ANKRD44: variants seen among roughly 807,000 people sequenced by gnomAD.
ANKRD44 encodes ankyrin repeat domain 44.
In ANKRD44, 35 loss-of-function variants were observed where a neutral mutation model predicts 116.0. The ratio of observed to expected loss-of-function variants is 0.30; its 90% CI spans 0.23 to 0.40. The LOEUF (loss-of-function observed/expected upper bound fraction) is 0.40, where lower values mean the gene tolerates loss of function less well. ANKRD44 is among the 10% of genes least tolerant of loss of function. The pLI is 1.00. For synonymous variants in ANKRD44, 435 were observed against 461.8 expected (o/e 0.94, Z 0.74); for missense variants, 1,014 against 1,242.6 (o/e 0.82, Z 2.77).
chr2:197,124,917 C>T (rs1041845271), intron 6 of ANKRD44, among the ~76,000 whole-genome samples: 6 of 152,342 alleles, frequency 3.9e-5, no homozygotes, highest in Admixed American at 6.5e-5. Context: ...TAATCACCAG[C>T]GCCTCTGGTG....
rs1460811748 is a variant in ANKRD44, at chr2:196,989,273, T to C, written c.*318A>G. The C allele has an allele frequency of 1.8e-4, 176 of 988,942 alleles. No homozygotes were observed. The highest frequency in any genetic ancestry group is 2.1e-4 in the Non-Finnish European group (171 of 833,840). 61.3% of individuals were successfully genotyped at this position (988,942 alleles called of 1,614,324 possible). On this transcript the variant is annotated 3_prime_UTR_variant, in exon 28 of 28. Coordinates refer to ENST00000282272, the MANE Select transcript of ANKRD44 (RefSeq NM_001195144.2). ...AAAAGTATATGGACATTTTCTCTAGTTTGGCAAAAAAAAAAAAAAAGGTCA... is the reference window on the plus strand; with the variant it reads ...AAAAGTATATGGACATTTTCTCTAGCTTGGCAAAAAAAAAAAAAAAGGTCA...
chr2:196,979,546 TAAG>T (rs1173196292), intron 21 of ANKRD44, among the ~76,000 whole-genome samples: 5 of 139,968 alleles, frequency 3.6e-5, no homozygotes, highest in African/African-American at 1.0e-4. Flanking sequence ...AGTAATTTAA[TAAG>T]ATGACTTTTT....
downstream of ANKRD44, among the ~76,000 whole-genome samples, chr2:196,986,432 A>C (rs1273051867): frequency 1.3e-5 from 2 of 152,194 alleles, no homozygotes; most frequent in Non-Finnish European, 2.9e-5. Flanking sequence ...AAAACAAAAC[A>C]AAACCCTTTA....
intron 13 of ANKRD44, 43 bp downstream of exon 13, chr2:197,086,637 C>T (rs758892154): frequency 6.3e-7 from 1 of 1,581,820 alleles, no homozygotes; most frequent in South Asian, 1.1e-5. Context: ...ACTCCCAGTT[C>T]CTCTTATTTA....
rs2697257 is a variant in ANKRD44 at position 197,145,087 on chromosome 2, C to T, written c.190+1940G>A. ...CAGGCGGATCACAAGGTCAGGAGAT[C>T]GAGACTATCCTGGCTAACATGGTGA... is the stretch of plus-strand genomic sequence containing the variant. On this transcript the variant is annotated intron_variant, in intron 3 of 27. Transcript: ENST00000282272. 2.0e-3 allele frequency among the ~76,000 whole-genome samples: 298 copies of T among 151,624 alleles called. 1 individual carries two copies. Among genetic ancestry groups the T allele is most frequent in the African/African-American group, 6.6e-3 (275 of 41,394 alleles).
At chr2:197,019,766 C>G (rs557207640) in intron 17 of ANKRD44, among the ~76,000 whole-genome samples, 12 of 151,766 alleles carry the variant, frequency 7.9e-5, no homozygotes, top group Non-Finnish European at 1.6e-4. Flanking sequence ...GAGTCATGAA[C>G]AGCTCAGGGA....
intron 27 of ANKRD44, among the ~76,000 whole-genome samples, chr2:196,991,982 T>C (rs937608069): frequency 2.0e-5 from 3 of 152,212 alleles, no homozygotes; most frequent in Non-Finnish European, 4.4e-5. Context: ...TTGTCATAAT[T>C]AGAACCATGT....
intron 21 of ANKRD44, among the ~76,000 whole-genome samples, chr2:196,979,553 A>ATTTTTTTTTTTTTTTTT (rs1202023600): frequency 1.1e-5 from 1 of 90,060 alleles, no homozygotes; most frequent in Non-Finnish European, 2.1e-5. Flanking sequence ...TAATAAGATG[A>ATTTTTTTTTTTTTTTTT]CTTTTTTTTT....
At chr2:197,120,177 G>T (rs559095704) in intron 8 of ANKRD44, among the ~76,000 whole-genome samples, 1 of 152,150 alleles carries the variant, frequency 6.6e-6, no homozygotes, top group Non-Finnish European at 1.5e-5. Context: ...CTGAGTGCAT[G>T]CTACCTCCCT....
chr2:197,008,229 A>T (rs1219280396), intron 19 of ANKRD44, among the ~76,000 whole-genome samples: 1 of 152,198 alleles, frequency 6.6e-6, no homozygotes, highest in Non-Finnish European at 1.5e-5. Flanking sequence ...CTAGATATCA[A>T]GGGCGGGGAG....
At chr2:197,036,541 T>A (rs986903169) in intron 16 of ANKRD44, among the ~76,000 whole-genome samples, 1 of 152,180 alleles carries the variant, frequency 6.6e-6, no homozygotes, top group Non-Finnish European at 1.5e-5. Context: ...AGGCGGTCTA[T>A]GCAACTTTTA....
intron 7 of ANKRD44, 128 bp downstream of exon 7, chr2:197,122,522 C>T: frequency 7.6e-7 from 1 of 1,311,460 alleles, no homozygotes; most frequent in Middle Eastern, 2.1e-4. Flanking sequence ...CACAAAAACT[C>T]AAAAAGACAG....
chr2:197,288,853 A>G lies in ANKRD44; in HGVS notation c.27+21725T>C, dbSNP rs764591810. On this transcript the variant is annotated intron_variant, in intron 1 of 27. Transcript: ENST00000282272. ...ACATATGGGAGCTAAAAAACTTGAA[A>G]TCATGGACCCAGAGGATAGAATAAC... is the stretch of plus-strand genomic sequence containing the variant. Among the ~76,000 whole-genome samples the G allele has an allele frequency of 1.4e-3, 207 of 152,280 alleles. 1 individual carries two copies. The highest frequency in any genetic ancestry group is 1.8e-4 in the Non-Finnish European group (12 of 67,994).
intron 1 of ANKRD44, among the ~76,000 whole-genome samples, chr2:197,247,302 T>C (rs1322109407): frequency 6.6e-6 from 1 of 152,220 alleles, no homozygotes; most frequent in Non-Finnish European, 1.5e-5. Flanking sequence ...AAGGCAGCGC[T>C]AACAGATCTG....
At chr2:197,293,090 T>C (rs1272321482) in intron 1 of ANKRD44, among the ~76,000 whole-genome samples, 1 of 152,176 alleles carries the variant, frequency 6.6e-6, no homozygotes, top group Non-Finnish European at 1.5e-5. Flanking sequence ...ATCTTTTTAC[T>C]AGGGTTATTT....
chr2:197,197,216 G>A (rs1361779406), intron 1 of ANKRD44, among the ~76,000 whole-genome samples: 1 of 152,098 alleles, frequency 6.6e-6, no homozygotes, highest in East Asian at 1.9e-4. Flanking sequence ...AGGACATCCA[G>A]TGACAGATGT....
chr2:197,246,744 A>C (rs2082202422), intron 1 of ANKRD44, among the ~76,000 whole-genome samples: 1 of 152,172 alleles, frequency 6.6e-6, no homozygotes, highest in Non-Finnish European at 1.5e-5. Context: ...AGTGACGTTC[A>C]TGCATTCCCT....
chr2:197,122,675 T>C lies in ANKRD44; in HGVS notation c.668A>G (p.Lys223Arg), dbSNP rs367725223. ...AASNGQINVVKHLLNLGVEID... is the reference protein window; with the variant it reads ...AASNGQINVVRHLLNLGVEID... ...CTCCACCCCCAGGTTCAGGAGATGC[T>C]TGACAACATTAATCTGTCCATTGGA... The change falls in exon 7 of 28, where the codon AAG (lysine) becomes AGG (arginine). Residue 223 changes from lysine (K) to arginine (R), a missense_variant. Coordinates refer to ENST00000282272, the MANE Select transcript of ANKRD44 (RefSeq NM_001195144.2). 2 of 1,614,154 alleles carry C rather than the reference T, an allele frequency of 1.2e-6. No homozygotes were observed. The highest frequency in any genetic ancestry group is 1.7e-5 in the Admixed American group (1 of 60,022).
At chr2:197,197,043 G>T (rs898182125) in intron 1 of ANKRD44, among the ~76,000 whole-genome samples, 6 of 152,098 alleles carry the variant, frequency 3.9e-5, no homozygotes, top group Admixed American at 2.6e-4. Context: ...TTAAGGCAGT[G>T]GGTTGATCAG....
Sources: allele counts gnomAD v4.1 joint callset (sites outside exome capture counted in the v4.1 genomes callset), GRCh38; gene constraint gnomAD v4.1.1; transcripts MANE v1.5; gene names NCBI Gene and HGNC (gene_info 2026-07-23, HGNC 2026-07-21).